HCN1: variants seen among roughly 807,000 people sequenced by gnomAD.
HCN1 encodes the protein hyperpolarization activated cyclic nucleotide gated potassium channel 1, also known as potassium/sodium hyperpolarization-activated cyclic nucleotide-gated channel 1.
HCN1 carries 13 observed loss-of-function variants against 78.9 expected under a neutral mutation model. That is an observed-to-expected ratio of 0.16 (90% CI 0.11 to 0.26). HCN1 has a LOEUF of 0.26. Ranked by LOEUF, HCN1 falls within the 10% of genes least tolerant of loss-of-function variation. The pLI is 1.00. For missense variants in HCN1, 810 were observed against 1,154.3 expected, an observed-to-expected ratio of 0.70 and a Z score of 4.32; for synonymous variants, 552 against 455.5, an observed-to-expected ratio of 1.21 and a Z score of -2.70.
At chr5:45,620,220 T>G (rs1454480054) in intron 2 of HCN1, among the ~76,000 whole-genome samples, 3 of 152,054 alleles carry the variant, frequency 2.0e-5, no homozygotes, top group Non-Finnish European at 4.4e-5. Flanking sequence ...GCATGACAAC[T>G]AATAGTGATG....
At chr5:45,418,509 A>G (rs1740162643) in intron 3 of HCN1, among the ~76,000 whole-genome samples, 1 of 151,418 alleles carries the variant, frequency 6.6e-6, no homozygotes, top group Admixed American at 6.6e-5. Context: ...ATATTGTTTT[A>G]CATGCAGCTT....
At chr5:45,283,944 T>C (rs1304553228) in intron 6 of HCN1, among the ~76,000 whole-genome samples, 2 of 152,256 alleles carry the variant, frequency 1.3e-5, no homozygotes, top group South Asian at 2.1e-4. Context: ...ATAGACATCA[T>C]AGAATACTAT....
chr5:45,568,698 C>T (rs1743765690), intron 2 of HCN1, among the ~76,000 whole-genome samples: 1 of 151,896 alleles, frequency 6.6e-6, no homozygotes, highest in East Asian at 1.9e-4. Flanking sequence ...TTAAAGTGTG[C>T]TTTAAAATCT....
At chr5:45,661,432 G>T (rs1745934313) in intron 1 of HCN1, among the ~76,000 whole-genome samples, 1 of 149,566 alleles carries the variant, frequency 6.7e-6, no homozygotes, top group South Asian at 2.1e-4. Flanking sequence ...AATGCTAGCA[G>T]AAGGCAAGAA....
chr5:45,422,916 G>A lies in HCN1; in HGVS notation c.1012-26206C>T, dbSNP rs937187175. Among the ~76,000 whole-genome samples the A allele has an allele frequency of 3.9e-5, 6 of 152,178 alleles. No homozygotes were observed. The East Asian group carries it at 7.7e-4, about 20-fold the overall frequency. ...GGGAGTGGGGGATTAGGTGAGGGTG[G>A]TTAATGGGTGCAATGACATATTTAG... On this transcript the variant is annotated intron_variant, in intron 3 of 7. Transcript: ENST00000303230.
chr5:45,593,629 C>T (rs1317329564), intron 2 of HCN1, among the ~76,000 whole-genome samples: 2 of 130,432 alleles, frequency 1.5e-5, no homozygotes, highest in Non-Finnish European at 3.1e-5. Flanking sequence ...ATGGCTACAG[C>T]GGGGTAGCTA....
In HCN1 at chr5:45,324,316, AC is replaced by A. The variant is rs1309902416; in HGVS notation, c.1378-20478del. Among the ~76,000 whole-genome samples, 14 of 152,146 alleles carry A rather than the reference AC, an allele frequency of 9.2e-5. No individual in the cohort carries two copies. In the South Asian group the frequency reaches 2.3e-3, roughly 25 times the overall value. On this transcript the variant is annotated intron_variant, in intron 5 of 7. Transcript: ENST00000303230. ...ACTCAAACAAATTTACAAGAAAAAAACAACCCCATCAAAAAGTGGGTGAAAG... is the reference window on the plus strand; with the variant it reads ...ACTCAAACAAATTTACAAGAAAAAAAAACCCCATCAAAAAGTGGGTGAAAG...
At position 45,267,207 on chromosome 5, in the gene HCN1, A is replaced by G; in HGVS notation, c.1665T>C (p.Ala555=). 1 of 1,614,044 alleles carries G rather than the reference A, an allele frequency of 6.2e-7. No individual in the cohort carries two copies. Among genetic ancestry groups the G allele is most frequent in the Non-Finnish European group, 8.5e-7 (1 of 1,179,936 alleles). Residue 555 remains alanine, a synonymous_variant, in exon 7 of 8, where the codon GCT becomes GCC. Transcript: ENST00000303230. Reference sequence around the variant, plus strand: ...GTGAGTAAAGACGACAATATGTATCAGCTCGAACACTGGCAGTACGACGTC... The same window carrying G: ...GTGAGTAAAGACGACAATATGTATCGGCTCGAACACTGGCAGTACGACGTC... The part of the protein sequence containing the change: ...TKGRRTASVR[A]DTYCRLYSLS...
rs985486619 is a variant in HCN1 at position 45,264,010 on chromosome 5, G to T, written c.1784-1200C>A. On this transcript the variant is annotated intron_variant, in intron 7 of 7. Coordinates refer to ENST00000303230, the MANE Select transcript of HCN1 (RefSeq NM_021072.4). ...GGGTTTCACCATGTTAGCCAGGATG[G>T]TCTCCATCTCATGACCTTGTGATCC... Among the ~76,000 whole-genome samples, 3 of 152,208 alleles carry T rather than the reference G, an allele frequency of 2.0e-5. 1 individual carries two copies. The East Asian group carries it at 5.8e-4, about 29-fold the overall frequency.
At chr5:45,451,514 A>G (rs1490434438) in intron 3 of HCN1, among the ~76,000 whole-genome samples, 1 of 152,002 alleles carries the variant, frequency 6.6e-6, no homozygotes, top group African/African-American at 2.4e-5. Context: ...TCGAGGACAG[A>G]ATTACAAAAG....
At chr5:45,544,224 A>G (rs1430420610) in intron 2 of HCN1, among the ~76,000 whole-genome samples, 4 of 152,126 alleles carry the variant, frequency 2.6e-5, no homozygotes, top group African/African-American at 7.2e-5. Flanking sequence ...GTATGTACAG[A>G]TTATTAAATA....
intron 2 of HCN1, among the ~76,000 whole-genome samples, chr5:45,598,924 G>T (rs1277768828): frequency 6.6e-6 from 1 of 152,174 alleles, no homozygotes; most frequent in Non-Finnish European, 1.5e-5. Context: ...ACAGATGCTG[G>T]AGAGGATGTG....
chr5:45,340,567 T>C (rs568159026), intron 5 of HCN1, among the ~76,000 whole-genome samples: 74 of 152,206 alleles, frequency 4.9e-4, no homozygotes, highest in Non-Finnish European at 8.4e-4. Flanking sequence ...CCCCTGAGAA[T>C]CCAATCTGGT....
intron 2 of HCN1, among the ~76,000 whole-genome samples, chr5:45,621,105 T>G (rs574561346): frequency 2.0e-5 from 3 of 152,188 alleles, no homozygotes; most frequent in Non-Finnish European, 4.4e-5. Flanking sequence ...CAAACAATGA[T>G]TCTGGGTTGA....
At chr5:45,290,581 C>A (rs948661562) in intron 6 of HCN1, among the ~76,000 whole-genome samples, 18 of 152,032 alleles carry the variant, frequency 1.2e-4, no homozygotes, top group Admixed American at 6.6e-4. Flanking sequence ...AAAAAAGACA[C>A]CATTTATTAG....
At chr5:45,618,101 C>T (rs933618562) in intron 2 of HCN1, among the ~76,000 whole-genome samples, 2 of 150,282 alleles carry the variant, frequency 1.3e-5, no homozygotes, top group Admixed American at 6.7e-5. Context: ...GATAAAGTAG[C>T]TAATGCACTT....
chr5:45,581,343 C>T (rs1327066959), intron 2 of HCN1, among the ~76,000 whole-genome samples: 1 of 152,062 alleles, frequency 6.6e-6, no homozygotes, highest in African/African-American at 2.4e-5. Context: ...TGTTTGTATC[C>T]TTCACCCACT....
chr5:45,659,613 G>A (rs1290385666), intron 1 of HCN1, among the ~76,000 whole-genome samples: 2 of 146,210 alleles, frequency 1.4e-5, no homozygotes, highest in African/African-American at 5.2e-5. Flanking sequence ...GCTTAAAGGA[G>A]CTGATGGAGC....
intron 6 of HCN1, among the ~76,000 whole-genome samples, chr5:45,301,839 C>G (rs1380062976): frequency 6.7e-6 from 1 of 149,026 alleles, no homozygotes; most frequent in African/African-American, 2.5e-5. Context: ...TTTAAATCAA[C>G]AATAATGAGG....
Sources: gnomAD v4.1 joint callset for allele counts (sites outside exome capture counted in the v4.1 genomes callset) on GRCh38, gnomAD v4.1.1 for gene constraint, MANE v1.5 for transcripts, NCBI Gene and HGNC (gene_info 2026-07-23, HGNC 2026-07-21) for gene names.